The following TM6SF2 variants were observed in gnomAD, a reference collection of about 807,000 sequenced individuals.
TM6SF2 encodes the protein transmembrane 6 superfamily member 2.
In TM6SF2, 29 loss-of-function variants were observed where a neutral mutation model predicts 41.0. That is an observed-to-expected ratio of 0.71 (90% CI 0.53 to 0.96). The LOEUF is 0.96. Among genes scored for constraint, TM6SF2 ranks in the 50% least tolerant of loss-of-function variants. TM6SF2 has a pLI of 0.00. For synonymous variants in TM6SF2, 200 were observed against 209.1 expected, an observed-to-expected ratio of 0.96 and a Z score of 0.37; for missense variants, 475 against 499.0, an observed-to-expected ratio of 0.95 and a Z score of 0.46.
At chr19:19,269,272 G>T (rs1360408771) in intron 5 of TM6SF2, among the ~76,000 whole-genome samples, 1 of 152,120 alleles carries the variant, frequency 6.6e-6, no homozygotes, top group Non-Finnish European at 1.5e-5. Context: ...CCTTCCAGTG[G>T]GTTCTTTGCT....
intron 4 of TM6SF2, 164 bp from the exon 5 acceptor site, chr19:19,269,933 C>A (rs891452330): frequency 2.7e-6 from 4 of 1,498,956 alleles, no homozygotes; most frequent in African/African-American, 1.4e-5. Flanking sequence ...AACAGTGAGA[C>A]CCTCTGTCCA....
rs1265362443 is a variant in TM6SF2, at chr19:19,264,680, T to C, written c.1118A>G (p.His373Arg). Residue 373 changes from histidine (H) to arginine (R), a missense_variant, in exon 10 of 10, where the codon CAC becomes CGC. Around this residue, in one of 3 missense-constraint regions of TM6SF2, gnomAD observed 190 missense variants for 190.2 expected, o/e 1.00. Coordinates refer to ENST00000389363, the MANE Select transcript of TM6SF2 (RefSeq NM_001001524.3). ...ACAGCTCTCTCAATGCTGCTTCTTGTGGAGGGCTAGGGGGTCGGAGGGTGG... is the reference window on the plus strand; with the variant it reads ...ACAGCTCTCTCAATGCTGCTTCTTGCGGAGGGCTAGGGGGTCGGAGGGTGG... ...QPPPSDPLAL[H>R]KKQH is the part of the protein sequence containing the mutation. 1.3e-6 allele frequency: 2 copies of C among 1,519,748 alleles called. No homozygotes were observed. Among genetic ancestry groups the C allele is most frequent in the Non-Finnish European group, 1.8e-6 (2 of 1,130,484 alleles). The allele number at this position is 1,519,748 out of a possible 1,614,324, so 94.1% of individuals were successfully genotyped here. A position where few individuals can be genotyped will look rare whatever the true frequency, so the allele number is the denominator to read the frequency against.
chr19:19,270,028 C>T, intron 4 of TM6SF2, 145 bp downstream of exon 4: 1 of 1,520,780 alleles, frequency 6.6e-7, no homozygotes, highest in Non-Finnish European at 8.8e-7. Flanking sequence ...CTGGAACCTT[C>T]TCCTGGCCAC....
At position 19,267,612 on chromosome 19, in the gene TM6SF2, C is replaced by G. The variant is rs1449100808; in HGVS notation, c.804+9G>C. On this transcript the variant is annotated intron_variant, in intron 8 of 9. Transcript: ENST00000389363. ...CAGGGGTGTGGTCTTCTCCCCGCTC[C>G]CCTCTCACCTGCACCTTAGGGTAGG... The G allele has an allele frequency of 3.7e-6, 6 of 1,610,070 alleles. No homozygotes were observed. In the East Asian group the frequency reaches 6.7e-5, roughly 18 times the overall value.
chr19:19,269,907 A>G, intron 4 of TM6SF2, 138 bp from the exon 5 acceptor site: 2 of 1,539,932 alleles, frequency 1.3e-6, no homozygotes, highest in Non-Finnish European at 1.7e-6. Context: ...GACAACAGGG[A>G]GTTGAACGGG....
rs757743424 is a variant in TM6SF2 at position 19,270,333 on chromosome 19, TCCC to T, written c.297+9_297+11del. On this transcript the variant is annotated intron_variant, in intron 3 of 9. Transcript: ENST00000389363. ...AGTGCGGTAGGGGGCTCCCTGGTCGTCCCCCAAGTACCTCCTTGGTGTAGAACT... is the reference window on the plus strand; with the variant it reads ...AGTGCGGTAGGGGGCTCCCTGGTCGTCCAAGTACCTCCTTGGTGTAGAACT... 2.5e-5 allele frequency: 41 copies of T among 1,613,958 alleles called. No homozygotes were observed. In the East Asian group the frequency reaches 9.1e-4, roughly 36 times the overall value.
In TM6SF2 at chr19:19,273,159, CG is replaced by C. The variant is rs1047993792; in HGVS notation, c.56del (p.Pro19ArgfsTer20). On this transcript the variant is annotated frameshift_variant, in exon 1 of 10. Coordinates refer to ENST00000389363, the MANE Select transcript of TM6SF2 (RefSeq NM_001001524.3). LOFTEE classifies it high-confidence loss of function. Reference sequence around the variant, plus strand: ...AGACGTGGTTGAGCGCGTAGGACACCGGGAGGGCGCTCAGCGACAGCGCCGC... The same window carrying C: ...AGACGTGGTTGAGCGCGTAGGACACCGGAGGGCGCTCAGCGACAGCGCCGC... ...KIAALSLSAL[P>X]VSYALNHVSA... 1.3e-6 allele frequency: 2 copies of C among 1,483,806 alleles called. No homozygotes were observed. The highest frequency in any genetic ancestry group is 1.8e-6 in the Non-Finnish European group (2 of 1,123,242). 91.9% of individuals were successfully genotyped at this position (1,483,806 alleles called of 1,614,324 possible).
At chr19:19,267,905 A>C (rs1222902554) in intron 7 of TM6SF2, 81 bp downstream of exon 7, 4 of 1,201,132 alleles carry the variant, frequency 3.3e-6, no homozygotes, top group Non-Finnish European at 4.9e-6. Context: ...ATGATCAAAC[A>C]GGAAGGGCAG....
At chr19:19,270,541 G>T in intron 2 of TM6SF2, 99 bp from the exon 3 acceptor site, 1 of 1,429,482 alleles carries the variant, frequency 7.0e-7, no homozygotes, top group Non-Finnish European at 9.4e-7. Context: ...GGTCAGGGAT[G>T]AGATTATTCC....
chr19:19,269,269 G>A (rs899342057), intron 5 of TM6SF2, among the ~76,000 whole-genome samples: 4 of 152,162 alleles, frequency 2.6e-5, no homozygotes, highest in South Asian at 2.1e-4. Context: ...CTACCTTCCA[G>A]TGGGTTCTTT....
At chr19:19,270,791 T>G (rs1340994569) in intron 2 of TM6SF2, among the ~76,000 whole-genome samples, 14 of 152,202 alleles carry the variant, frequency 9.2e-5, no homozygotes, top group Admixed American at 6.5e-4. Context: ...GCTTCTAATC[T>G]GATGCAGGAG....
At position 19,266,552 on chromosome 19, in the gene TM6SF2, T is replaced by TGAGA; in HGVS notation, c.858_861dup (p.Thr288SerfsTer44). 6.2e-7 allele frequency: 1 copy of TGAGA among 1,613,854 alleles called. No individual in the cohort carries two copies. Among genetic ancestry groups the TGAGA allele is most frequent in the Non-Finnish European group, 8.5e-7 (1 of 1,179,888 alleles). ...GGAAGCCAGGAGCAACCAGGGAAGGTGAGAGCATAGGCAGCCAGGCCGCAG... is the reference window on the plus strand; with the variant it reads ...GGAAGCCAGGAGCAACCAGGGAAGGTGAGAGAGAGCATAGGCAGCCAGGCCGCAG... On this transcript the variant is annotated frameshift_variant, in exon 9 of 10. Coordinates refer to ENST00000389363, the MANE Select transcript of TM6SF2 (RefSeq NM_001001524.3). LOFTEE classifies it high-confidence loss of function.
Position 19,265,837 on chromosome 19 carries a change from C to T in TM6SF2, c.924+653G>A, listed in dbSNP as rs2146575573. 1.3e-5 allele frequency among the ~76,000 whole-genome samples: 2 copies of T among 152,294 alleles called. 1 individual carries two copies. The highest frequency in any genetic ancestry group is 4.1e-4 in the South Asian group (2 of 4,824). ...CCATCTCCTGGGCCCTGCACCCCAT[C>T]TCTCTCTGACCTGGCTCCAGATCCT... On this transcript the variant is annotated intron_variant, in intron 9 of 9. Coordinates refer to ENST00000389363, the MANE Select transcript of TM6SF2 (RefSeq NM_001001524.3).
At chr19:19,265,403 T>C (rs200392909) in intron 9 of TM6SF2, among the ~76,000 whole-genome samples, 8 of 130,072 alleles carry the variant, frequency 6.2e-5, no homozygotes, top group African/African-American at 2.2e-4. Context: ...TCTATCTATC[T>C]ATCCATCCAT....
Position 19,268,666 on chromosome 19 carries a change from G to A in TM6SF2, c.573C>T (p.Ser191=), listed in dbSNP as rs1193936525. The part of the protein sequence containing the change: ...VPCWAGMKVF[S]QPRALTRCTA... ...TGCAGCGGGTTAGCGCCCGGGGCTG[G>A]CTGAAGACCTTCATGCCAGCCCAGC... Residue 191 remains serine (S), a synonymous_variant, in exon 6 of 10, where the codon AGC becomes AGT. Transcript: ENST00000389363. The A allele has an allele frequency of 1.3e-6, 2 of 1,590,696 alleles. No homozygotes were observed. Among genetic ancestry groups the A allele is most frequent in the East Asian group, 2.3e-5 (1 of 43,450 alleles).
chr19:19,264,830 G>T lies in TM6SF2; in HGVS notation c.968C>A (p.Pro323His). 3 of 1,596,264 alleles carry T rather than the reference G, an allele frequency of 1.9e-6. No individual in the cohort carries two copies. Among genetic ancestry groups the T allele is most frequent in the African/African-American group, 1.4e-5 (1 of 73,986 alleles). Residue 323 changes from proline to histidine, a missense_variant, in exon 10 of 10, where the codon CCC (proline) becomes CAC (histidine). Transcript: ENST00000389363. ...GTCCTCAGGCACACGGTAGGTGAAG[G>T]GTGTGCGCAGGTGCATGGAAGCCCC... The part of the protein sequence containing the change: ...HMGASMHLRT[P>H]FTYRVPEDTW...
rs923812201 is a variant in TM6SF2 at position 19,267,796 on chromosome 19, G to A, written c.712-83C>T. 7 of 1,332,878 alleles carry A rather than the reference G, an allele frequency of 5.3e-6. No individual in the cohort carries two copies. The African/African-American group carries it at 8.7e-5, about 17-fold the overall frequency. 82.6% of individuals were successfully genotyped at this position (1,332,878 alleles called of 1,614,324 possible). On this transcript the variant is annotated intron_variant, in intron 7 of 9. Coordinates refer to ENST00000389363, the MANE Select transcript of TM6SF2 (RefSeq NM_001001524.3). ...CCACCCTCCCAGGCCCACACCCCTT[G>A]CTCTGGCCTCTCCCAGCCCAGCTCA...
chr19:19,273,053 TC>T, intron 1 of TM6SF2, 67 bp downstream of exon 1: 1 of 501,784 alleles, frequency 2.0e-6, no homozygotes. Context: ...CCAGCCCACC[TC>T]CAGTCCTCCC....
intron 9 of TM6SF2, among the ~76,000 whole-genome samples, chr19:19,265,850 G>A (rs117284756): frequency 0.017 from 2,652 of 152,110 alleles, 96 homozygotes; most frequent in South Asian, 0.12. Flanking sequence ...TCTCTGACCT[G>A]GCTCCAGATC....
Sources: gnomAD v4.1 joint callset for allele counts (sites outside exome capture counted in the v4.1 genomes callset) on GRCh38, gnomAD v4.1.1 for gene constraint, gnomAD v4.1.1 regional missense constraint, MANE v1.5 for transcripts, NCBI Gene and HGNC (gene_info 2026-07-23, HGNC 2026-07-21) for gene names.